CDIN1: variants seen among roughly 807,000 people sequenced by gnomAD.
CDIN1 encodes CDAN1 interacting nuclease 1.
CDIN1 carries 33 observed loss-of-function variants against 45.3 expected under a neutral mutation model. The observed-to-expected ratio is 0.73, with a 90% CI of 0.55 to 0.97. The LOEUF is 0.97. CDIN1 is among the 50% of genes least tolerant of loss of function. The pLI is 0.00. For synonymous variants in CDIN1, 118 were observed against 124.4 expected, an observed-to-expected ratio of 0.95 and a Z score of 0.34; for missense variants, 303 against 339.4, an observed-to-expected ratio of 0.89 and a Z score of 0.84.
intron 5 of CDIN1, among the ~76,000 whole-genome samples, chr15:36,663,790 G>A (rs2041121570): frequency 6.6e-6 from 1 of 152,156 alleles, no homozygotes; most frequent in Admixed American, 6.5e-5. Context: ...TTATTTAAAA[G>A]TACTTTTAAA....
At chr15:36,610,540 C>T (rs908884142) in intron 1 of CDIN1, among the ~76,000 whole-genome samples, 1 of 152,082 alleles carries the variant, frequency 6.6e-6, no homozygotes, top group Admixed American at 6.6e-5. Flanking sequence ...CACACTTTAT[C>T]TTTTATTTGG....
intron 1 of CDIN1, among the ~76,000 whole-genome samples, chr15:36,581,936 G>A (rs755222522): frequency 2.0e-5 from 3 of 152,158 alleles, no homozygotes; most frequent in Non-Finnish European, 4.4e-5. Flanking sequence ...TGTGAGTTGT[G>A]CAGATCTTAC....
intron 10 of CDIN1, among the ~76,000 whole-genome samples, chr15:36,767,995 C>G (rs1901722): frequency 0.89 from 135,716 of 152,174 alleles, 62,618 homozygotes; most frequent in Non-Finnish European, 1. Flanking sequence ...AGGGCTGTTT[C>G]TGACCCCTCA....
chr15:36,620,280 G>C (rs146679959), intron 1 of CDIN1, among the ~76,000 whole-genome samples: 154 of 152,230 alleles, frequency 1.0e-3, no homozygotes, highest in African/African-American at 3.4e-3. Context: ...GACACCGGGG[G>C]GCGGAGCTTG....
intron 10 of CDIN1, among the ~76,000 whole-genome samples, chr15:36,719,215 C>A (rs1486086073): frequency 6.6e-6 from 1 of 152,062 alleles, no homozygotes; most frequent in Admixed American, 6.6e-5. Flanking sequence ...TAGAGTGAGA[C>A]TCTGTCTCTA....
intron 10 of CDIN1, among the ~76,000 whole-genome samples, chr15:36,736,471 A>G (rs1292816045): frequency 1.3e-5 from 2 of 152,210 alleles, no homozygotes; most frequent in Non-Finnish European, 2.9e-5. Flanking sequence ...TCAAAGCCAC[A>G]TAGGCATGTG....
At chr15:36,745,497 T>G (rs1308875659) in intron 10 of CDIN1, among the ~76,000 whole-genome samples, 1 of 152,154 alleles carries the variant, frequency 6.6e-6, no homozygotes, top group Non-Finnish European at 1.5e-5. Context: ...GAATGACAAG[T>G]CTGTTGAACT....
At chr15:36,602,739 G>A (rs191663411) in intron 1 of CDIN1, among the ~76,000 whole-genome samples, 5 of 152,130 alleles carry the variant, frequency 3.3e-5, no homozygotes, top group African/African-American at 7.2e-5. Context: ...TTGGGAGGCC[G>A]AGGCGGGCAG....
intron 5 of CDIN1, among the ~76,000 whole-genome samples, chr15:36,669,413 TTAC>T (rs1223151394): frequency 6.6e-6 from 1 of 152,140 alleles, no homozygotes; most frequent in Non-Finnish European, 1.5e-5. Context: ...TAGAAAGCTT[TTAC>T]TTTTTTAAAA....
chr15:36,654,397 C>G (rs568995019), intron 4 of CDIN1, among the ~76,000 whole-genome samples: 1 of 150,720 alleles, frequency 6.6e-6, no homozygotes, highest in South Asian at 2.1e-4. Context: ...TAAACAGCCT[C>G]TTGGTTTCTT....
At chr15:36,606,366 T>C (rs2038379875) in intron 1 of CDIN1, among the ~76,000 whole-genome samples, 1 of 152,134 alleles carries the variant, frequency 6.6e-6, no homozygotes, top group African/African-American at 2.4e-5. Context: ...AACTGACCAC[T>C]TCTTGAAGTG....
intron 10 of CDIN1, among the ~76,000 whole-genome samples, chr15:36,754,738 C>T (rs1049394498): frequency 1.9e-4 from 29 of 151,796 alleles, no homozygotes; most frequent in Non-Finnish European, 3.4e-4. Context: ...TTTTAAAGAA[C>T]GCAGAAGCAA....
At chr15:36,663,905 TC>T (rs2041126716) in intron 5 of CDIN1, among the ~76,000 whole-genome samples, 1 of 152,186 alleles carries the variant, frequency 6.6e-6, no homozygotes, top group African/African-American at 2.4e-5. Context: ...TTGAAGATGA[TC>T]CAGCAACACT....
chr15:36,588,093 G>A (rs1282079668), intron 1 of CDIN1, among the ~76,000 whole-genome samples: 2 of 152,172 alleles, frequency 1.3e-5, no homozygotes, highest in Non-Finnish European at 2.9e-5. Context: ...GAAACAAAGT[G>A]CAGTAGATTT....
chr15:36,655,388 G>A (rs987581433), intron 4 of CDIN1, among the ~76,000 whole-genome samples: 33 of 150,656 alleles, frequency 2.2e-4, no homozygotes, highest in African/African-American at 5.4e-4. Context: ...GTGCAGTGGC[G>A]TGATCTTAGC....
Position 36,642,966 on chromosome 15 carries a change from C to T in CDIN1, c.102-1312C>T, listed in dbSNP as rs2040170123. On this transcript the variant is annotated intron_variant, in intron 1 of 10. Coordinates refer to ENST00000566621, the MANE Select transcript of CDIN1 (RefSeq NM_001321759.2). ...TCCCACCCCAGAAGATTATTGTCAG[C>T]AACCCTACTAGGGTATGTGATTTGG... is the stretch of plus-strand genomic sequence containing the variant. Among the ~76,000 whole-genome samples the T allele has an allele frequency of 1.3e-5, 2 of 152,088 alleles. 1 individual carries two copies. Among genetic ancestry groups the T allele is most frequent in the South Asian group, 4.2e-4 (2 of 4,816 alleles).
intron 1 of CDIN1, among the ~76,000 whole-genome samples, chr15:36,606,973 A>G (rs2140255373): frequency 6.6e-6 from 1 of 152,362 alleles, no homozygotes; most frequent in East Asian, 1.9e-4. Context: ...GGTTTAAAGC[A>G]GTAGGAGTTG....
chr15:36,783,469 T>G (rs2054404528), intron 10 of CDIN1, among the ~76,000 whole-genome samples: 1 of 152,168 alleles, frequency 6.6e-6, no homozygotes, highest in African/African-American at 2.4e-5. Context: ...TTTAAGCATT[T>G]TGTCAAAATG....
intron 6 of CDIN1, 21 bp downstream of exon 6, chr15:36,691,785 T>C (rs557772115): frequency 6.6e-7 from 1 of 1,526,614 alleles, no homozygotes; most frequent in South Asian, 1.2e-5. Context: ...CAGCTGTCTA[T>C]TTTCAGTGGC....
Sources: allele counts gnomAD v4.1 joint callset (sites outside exome capture counted in the v4.1 genomes callset), GRCh38; gene constraint gnomAD v4.1.1; transcripts MANE v1.5; gene names NCBI Gene and HGNC (gene_info 2026-07-23, HGNC 2026-07-21).